DUSP22: variants seen among roughly 807,000 people sequenced by gnomAD.
DUSP22 encodes dual specificity protein phosphatase 22.
DUSP22 carries 24 observed loss-of-function variants against 24.5 expected under a neutral mutation model. The observed-to-expected ratio is 0.98, with a 90% CI of 0.71 to 1.38. DUSP22 has a LOEUF of 1.38. DUSP22 is among the 40% of genes most tolerant of loss of function. DUSP22 has a pLI of 0.00. For synonymous variants in DUSP22, 160 were observed against 106.4 expected (o/e 1.50, Z -3.10); for missense variants, 330 against 269.2 (o/e 1.23, Z -1.58).
chr6:302,936 G>T (rs1757651322), intron 1 of DUSP22, among the ~76,000 whole-genome samples: 1 of 152,306 alleles, frequency 6.6e-6, no homozygotes, highest in Non-Finnish European at 1.5e-5. Flanking sequence ...CAGGAGCTTG[G>T]TGGGGTCTTA....
intron 1 of DUSP22, among the ~76,000 whole-genome samples, chr6:298,060 TGACA>T (rs1177824438): frequency 1.3e-5 from 2 of 152,306 alleles, no homozygotes; most frequent in Admixed American, 1.3e-4. Flanking sequence ...GCTGCAGGAC[TGACA>T]GACAGATGGC....
chr6:334,995 GA>G, intron 3 of DUSP22, 118 bp from the exon 4 acceptor site: 1 of 1,229,000 alleles, frequency 8.1e-7, no homozygotes, highest in South Asian at 1.5e-5. Flanking sequence ...AAAGATGAGT[GA>G]AAAACTTCTC....
chr6:303,164 C>A (rs1222967269), intron 1 of DUSP22, among the ~76,000 whole-genome samples: 1 of 152,310 alleles, frequency 6.6e-6, no homozygotes, highest in African/African-American at 2.4e-5. Context: ...AGACTACACA[C>A]AGCAAAGCTC....
chr6:346,566 T>G (rs1452894638), intron 5 of DUSP22, among the ~76,000 whole-genome samples: 2 of 152,310 alleles, frequency 1.3e-5, no homozygotes, highest in Non-Finnish European at 2.9e-5. Flanking sequence ...GGATGGCATT[T>G]TTATGACCAC....
chr6:316,852 A>G (rs1271114526), intron 3 of DUSP22, among the ~76,000 whole-genome samples: 2 of 152,424 alleles, frequency 1.3e-5, no homozygotes, highest in Admixed American at 1.3e-4. Context: ...ATGACAGTGT[A>G]GGATCAAGTA....
At position 326,064 on chromosome 6, in the gene DUSP22, G is replaced by A. The variant is rs1047138166; in HGVS notation, c.139-9050G>A. ...GCAGTGCTGTATCTGCTGGTGCCTG[G>A]AGAGTCATCTGCCCTGGGCTTCCCC... is the stretch of plus-strand genomic sequence containing the variant. On this transcript the variant is annotated intron_variant, in intron 3 of 6. Coordinates refer to ENST00000419235, the MANE Select transcript of DUSP22 (RefSeq NM_001286555.3). The A allele has an allele frequency of 2.2e-5, 5 of 223,460 alleles. No homozygotes were observed. In the East Asian group the frequency reaches 7.5e-4, roughly 34 times the overall value. The allele number at this position is 223,460 out of a possible 1,614,324, so 13.8% of individuals were successfully genotyped here.
intron 3 of DUSP22, among the ~76,000 whole-genome samples, chr6:330,826 A>G (rs1180731876): frequency 2.0e-5 from 3 of 152,296 alleles, no homozygotes; most frequent in Admixed American, 6.5e-5. Flanking sequence ...CAGATCCCCC[A>G]TCTCTCCTGC....
rs1366120560 is a variant in DUSP22, at chr6:348,841, G to C, written c.508G>C (p.Gly170Arg). Reference sequence around the variant, plus strand: ...TGCAGAAGAAGCCAAAAACATTCTGGGTAAATATAAGGAGCAAGGGCGCAC... The same window carrying C: ...TGCAGAAGAAGCCAAAAACATTCTGCGTAAATATAAGGAGCAAGGGCGCAC... Reference protein sequence around the residue: ...QDAEEAKNILGKYKEQGRTEP... With the variant: ...QDAEEAKNILRKYKEQGRTEP... The change falls in exon 7 of 7, where the codon GGT becomes CGT. Residue 170 changes from glycine (G) to arginine (R), a missense_variant. Gly to Arg is a moderately radical substitution (Grantham distance 125). Transcript: ENST00000419235. 6.2e-7 allele frequency: 1 copy of C among 1,614,308 alleles called. No individual in the cohort carries two copies. Among genetic ancestry groups the C allele is most frequent in the South Asian group, 1.1e-5 (1 of 91,092 alleles).
At chr6:334,843 A>G (rs1287675688) in intron 3 of DUSP22, among the ~76,000 whole-genome samples, 1 of 152,304 alleles carries the variant, frequency 6.6e-6, no homozygotes, top group Non-Finnish European at 1.5e-5. Context: ...AAAGTACTCA[A>G]CTATTTCACT....
At chr6:300,671 G>A (rs979966024) in intron 1 of DUSP22, among the ~76,000 whole-genome samples, 7 of 152,298 alleles carry the variant, frequency 4.6e-5, no homozygotes, top group African/African-American at 9.6e-5. Context: ...CTAGCAGGGC[G>A]GGTAGGTCTC....
intron 3 of DUSP22, 88 bp downstream of exon 3, chr6:312,050 C>T (rs1046579119): frequency 2.2e-5 from 30 of 1,378,666 alleles, no homozygotes; most frequent in Non-Finnish European, 2.8e-5. Context: ...ACCAGGTTCT[C>T]TCCAATGCGA....
In DUSP22 at chr6:311,969, G is replaced by A; in HGVS notation, c.138+7G>A. The stretch of plus-strand genomic sequence containing the variant: ...TGCCAGGCCTATGTTGGAGGTAAGA[G>A]AGCACCGTGGGGCGTGTGTGGGTGT... On this transcript the variant is annotated splice_region_variant and intron_variant, in intron 3 of 6. Coordinates refer to ENST00000419235, the MANE Select transcript of DUSP22 (RefSeq NM_001286555.3). The A allele has an allele frequency of 6.2e-7, 1 of 1,610,024 alleles. No homozygotes were observed. The highest frequency in any genetic ancestry group is 1.1e-5 in the South Asian group (1 of 90,586).
At chr6:344,930 T>C (rs1296640397) in intron 4 of DUSP22, among the ~76,000 whole-genome samples, 2 of 152,298 alleles carry the variant, frequency 1.3e-5, no homozygotes, top group Non-Finnish European at 2.9e-5. Context: ...CCACAGCTGG[T>C]GTGAGGGTTC....
Position 350,799 on chromosome 6 carries a change from C to A in DUSP22, c.*1848C>A. On this transcript the variant is annotated 3_prime_UTR_variant, in exon 7 of 7. Coordinates refer to ENST00000419235, the MANE Select transcript of DUSP22 (RefSeq NM_001286555.3). ...TGAAATGTTGTTTTAATATTTGTTG[C>A]CAGTAATGTTCTTTCTTCACAGCCG... is the stretch of plus-strand genomic sequence containing the variant. 1 of 1,614,204 alleles carries A rather than the reference C, an allele frequency of 6.2e-7. No individual in the cohort carries two copies. Among genetic ancestry groups the A allele is most frequent in the Non-Finnish European group, 8.5e-7 (1 of 1,179,998 alleles).
At position 349,771 on chromosome 6, in the gene DUSP22, T is replaced by C. The variant is rs1346138027; in HGVS notation, c.*820T>C. 1.0e-6 allele frequency: 1 copy of C among 985,870 alleles called. No homozygotes were observed. The highest frequency in any genetic ancestry group is 6.1e-5 in the Admixed American group (1 of 16,276). 61.1% of individuals were successfully genotyped at this position (985,870 alleles called of 1,614,324 possible). A position where few individuals can be genotyped will look rare whatever the true frequency, so the allele number is the denominator to read the frequency against. The stretch of plus-strand genomic sequence containing the variant: ...TAGCGCCTTGAGTCAAGGCCACTTT[T>C]CAGCCCATCGAGCCCTGAGTTCTAC... On this transcript the variant is annotated 3_prime_UTR_variant, in exon 7 of 7. Coordinates refer to ENST00000419235, the MANE Select transcript of DUSP22 (RefSeq NM_001286555.3).
chr6:328,463 G>T (rs1286925235), intron 3 of DUSP22, among the ~76,000 whole-genome samples: 1 of 152,300 alleles, frequency 6.6e-6, no homozygotes, highest in Non-Finnish European at 1.5e-5. Context: ...CAAGTCAAAT[G>T]CATGTCGGTT....
At chr6:320,625 C>G (rs1332200481) in intron 3 of DUSP22, among the ~76,000 whole-genome samples, 1 of 152,294 alleles carries the variant, frequency 6.6e-6, no homozygotes, top group East Asian at 1.9e-4. Context: ...GCTGCATGGT[C>G]ATGGGCTGGG....
chr6:331,056 T>C (rs1044982328), intron 3 of DUSP22, among the ~76,000 whole-genome samples: 12 of 152,296 alleles, frequency 7.9e-5, no homozygotes, highest in African/African-American at 2.7e-4. Flanking sequence ...CTGCTCTTTC[T>C]TTGTCCTCAT....
rs1491351178 is a variant in DUSP22 at position 322,831 on chromosome 6, G to GGC, written c.138+10870_138+10871insCG. On this transcript the variant is annotated intron_variant, in intron 3 of 6. Coordinates refer to ENST00000419235, the MANE Select transcript of DUSP22 (RefSeq NM_001286555.3). ...ATTCCGTGGGTTATGGCTGCTTGGTGGGGCGGGGGGGGGCCTTCGAGTCTG... is the reference window on the plus strand; with the variant it reads ...ATTCCGTGGGTTATGGCTGCTTGGTGGCGGGCGGGGGGGGGCCTTCGAGTCTG... 2.6e-4 allele frequency among the ~76,000 whole-genome samples: 28 copies of GGC among 108,866 alleles called. 1 individual carries two copies. The highest frequency in any genetic ancestry group is 8.8e-4 in the African/African-American group (25 of 28,454). The allele number at this position is 108,866 out of a possible 152,430, so 71.4% of individuals were successfully genotyped here.
Sources: allele counts gnomAD v4.1 joint callset (sites outside exome capture counted in the v4.1 genomes callset), GRCh38; gene constraint gnomAD v4.1.1; transcripts MANE v1.5; gene names NCBI Gene and HGNC (gene_info 2026-07-23, HGNC 2026-07-21).